Variants in NUDT5 observed in about 807,000 individuals in gnomAD.
The protein encoded by NUDT5 is ADP-sugar pyrophosphatase.
Under a neutral mutation model 34.1 loss-of-function variants are expected in NUDT5, and 21 were observed. That is an observed-to-expected ratio of 0.62 (90% CI 0.44 to 0.89). NUDT5 has a LOEUF of 0.89. Among genes scored for constraint, NUDT5 ranks in the 40% least tolerant of loss-of-function variants. The pLI, the probability that NUDT5 is intolerant of heterozygous loss-of-function variation, is 0.00. For missense variants in NUDT5, 249 were observed against 274.8 expected (o/e 0.91, Z 0.66); for synonymous variants, 85 against 97.6 (o/e 0.87, Z 0.76).
Position 12,173,776 on chromosome 10 carries a change from A to G in NUDT5, c.327T>C (p.Ala109=), listed in dbSNP as rs758839114. Reference sequence around the variant, plus strand: ...CAGTTTCTTCTTCAAGCTCCCGGAGAGCAGCTGCTTCTGGGGTTTCACCAT... The same window carrying G: ...CAGTTTCTTCTTCAAGCTCCCGGAGGGCAGCTGCTTCTGGGGTTTCACCAT... ...IDDGETPEAA[A]LRELEEETGY... The change falls in exon 6 of 10, where the codon GCT becomes GCC. Residue 109 remains alanine, a synonymous_variant. Transcript: ENST00000491614. The surrounding 1 kb of genome is among the most constrained non-coding windows in gnomAD (Gnocchi z 4.7). 4.3e-6 allele frequency: 7 copies of G among 1,613,948 alleles called. No individual in the cohort carries two copies. Among genetic ancestry groups the G allele is most frequent in the Admixed American group, 1.7e-5 (1 of 60,012 alleles).
chr10:12,178,559 CT>C (rs1834992330), intron 4 of NUDT5, among the ~76,000 whole-genome samples: 1 of 152,346 alleles, frequency 6.6e-6, no homozygotes, highest in East Asian at 1.9e-4. Context: ...TAAGAAAAGC[CT>C]AGTGCCCAAC....
chr10:12,191,045 C>T (rs138354220), intron 1 of NUDT5, among the ~76,000 whole-genome samples: 3 of 152,108 alleles, frequency 2.0e-5, no homozygotes, highest in South Asian at 2.1e-4. Context: ...GAGTGTATGG[C>T]GAGCTCTGTG....
intron 3 of NUDT5, among the ~76,000 whole-genome samples, chr10:12,180,160 T>C (rs7894424): frequency 0.05 from 7,611 of 152,280 alleles, 254 homozygotes; most frequent in Non-Finnish European, 0.077. Flanking sequence ...TTCATTAAAA[T>C]TGTTCAAATA....
At position 12,168,199 on chromosome 10, in the gene NUDT5, A is replaced by G. The variant is rs1157141543; in HGVS notation, c.551-388T>C. On this transcript the variant is annotated intron_variant, in intron 9 of 9. Coordinates refer to ENST00000491614, the MANE Select transcript of NUDT5 (RefSeq NM_014142.4). This position sits in a 1 kb window ranked among gnomAD's most constrained non-coding sequence, Gnocchi z 4.8. The stretch of plus-strand genomic sequence containing the variant: ...GCCACCACGCCCAGCTAATTTTTGT[A>G]TTTTTAGTAGAGACGGGGTTTTTGC... Among the ~76,000 whole-genome samples the G allele has an allele frequency of 6.6e-6, 1 of 151,874 alleles. No homozygotes were observed. Among genetic ancestry groups the G allele is most frequent in the Non-Finnish European group, 1.5e-5 (1 of 67,960 alleles).
intron 7 of NUDT5, 139 bp downstream of exon 7, chr10:12,172,626 C>G: frequency 3.2e-6 from 2 of 630,866 alleles, no homozygotes; most frequent in African/African-American, 1.8e-5. Context: ...GGAAGAGAGA[C>G]AAGAATACTG....
At chr10:12,193,248 G>A (rs916798562) in intron 1 of NUDT5, among the ~76,000 whole-genome samples, 1 of 152,126 alleles carries the variant, frequency 6.6e-6, no homozygotes, top group Non-Finnish European at 1.5e-5. Context: ...AGGGAGACTG[G>A]GACATCGGAA....
In NUDT5 at chr10:12,173,843, A is replaced by T. The variant is rs750338380; in HGVS notation, c.290-30T>A. The T allele has an allele frequency of 6.7e-7, 1 of 1,500,392 alleles. No individual in the cohort carries two copies. Among genetic ancestry groups the T allele is most frequent in the East Asian group, 2.3e-5 (1 of 43,926 alleles). 92.9% of individuals were successfully genotyped at this position (1,500,392 alleles called of 1,614,324 possible). A position where few individuals can be genotyped will look rare whatever the true frequency, so the allele number is the denominator to read the frequency against. On this transcript the variant is annotated intron_variant, in intron 5 of 9. Coordinates refer to ENST00000491614, the MANE Select transcript of NUDT5 (RefSeq NM_014142.4). This position sits in a 1 kb window ranked among gnomAD's most constrained non-coding sequence, Gnocchi z 4.7. ...AAGTCCAAATCATTGGTGTGATGGG[A>T]GCGGGAAATCCGGTTCTTTAAACCC...
At chr10:12,172,528 CAG>C (rs1221871227) in intron 7 of NUDT5, 6 of 563,030 alleles carry the variant, frequency 1.1e-5, no homozygotes, top group East Asian at 3.0e-5. Context: ...ATATAGAAAA[CAG>C]GGAAATATGT....
rs368375885 is a variant in NUDT5, at chr10:12,186,326, G to A, written c.-35C>T. 1.9e-5 allele frequency: 27 copies of A among 1,425,972 alleles called. No homozygotes were observed. The African/African-American group carries it at 3.2e-4, about 17-fold the overall frequency. The allele number at this position is 1,425,972 out of a possible 1,614,324, so 88.3% of individuals were successfully genotyped here. On this transcript the variant is annotated 5_prime_UTR_variant, in exon 2 of 10. Transcript: ENST00000491614. Reference sequence around the variant, plus strand: ...AGTCTTTACAGCCCTCAGGTGAGAAGTTCACCCTGCAAGATAATGAGATTT... The same window carrying A: ...AGTCTTTACAGCCCTCAGGTGAGAAATTCACCCTGCAAGATAATGAGATTT...
Position 12,173,636 on chromosome 10 carries a change from T to G in NUDT5, c.385+82A>C. ...TGATTTCTTTCTCTTCAGTGAATTC[T>G]GAGCGTAAAGAACACCCAAATAATC... On this transcript the variant is annotated intron_variant, in intron 6 of 9. Transcript: ENST00000491614. The surrounding 1 kb of genome is among the most constrained non-coding windows in gnomAD (Gnocchi z 4.7). The G allele has an allele frequency of 9.5e-7, 1 of 1,049,854 alleles. No individual in the cohort carries two copies. The highest frequency in any genetic ancestry group is 1.5e-6 in the Non-Finnish European group (1 of 667,598). The allele number at this position is 1,049,854 out of a possible 1,614,324, so 65.0% of individuals were successfully genotyped here. A position where few individuals can be genotyped will look rare whatever the true frequency, so the allele number is the denominator to read the frequency against.
At chr10:12,193,349 AAATCTT>A (rs1835268410) in intron 1 of NUDT5, among the ~76,000 whole-genome samples, 1 of 152,254 alleles carries the variant, frequency 6.6e-6, no homozygotes, top group South Asian at 2.1e-4. Context: ...AGACAGGTGA[AAATCTT>A]AATCTAGGAT....
rs1349232696 is a variant in NUDT5 at position 12,182,068 on chromosome 10, G to A, written c.131+2821C>T. 6.6e-6 allele frequency among the ~76,000 whole-genome samples: 1 copy of A among 151,748 alleles called. No homozygotes were observed. Among genetic ancestry groups the A allele is most frequent in the Admixed American group, 6.6e-5 (1 of 15,232 alleles). ...TGCTAGAACCAGGGAGGTAGAGGTT[G>A]CAGTGAGCTGAGACCACACCATTGC... On this transcript the variant is annotated intron_variant, in intron 3 of 9. Transcript: ENST00000491614. The surrounding 1 kb of genome is among the most constrained non-coding windows in gnomAD (Gnocchi z 4.3).
At chr10:12,193,880 T>C (rs1213902570) in intron 1 of NUDT5, among the ~76,000 whole-genome samples, 1 of 152,114 alleles carries the variant, frequency 6.6e-6, no homozygotes, top group Non-Finnish European at 1.5e-5. Context: ...TTTTTTTTTT[T>C]TTTCCCGAGA....
chr10:12,191,311 A>G (rs1425141663), intron 1 of NUDT5, among the ~76,000 whole-genome samples: 2 of 152,070 alleles, frequency 1.3e-5, no homozygotes, highest in Admixed American at 6.6e-5. Context: ...TGAACCCGGG[A>G]GGTGGAGCTT....
intron 5 of NUDT5, among the ~76,000 whole-genome samples, chr10:12,174,624 G>T (rs1309069861): frequency 6.6e-6 from 1 of 152,222 alleles, no homozygotes; most frequent in Non-Finnish European, 1.5e-5. Flanking sequence ...ACTCTGAGCA[G>T]ATGAATCAGG....
chr10:12,169,453 T>A lies in NUDT5; in HGVS notation c.550+1264A>T. On this transcript the variant is annotated intron_variant, in intron 9 of 9. Coordinates refer to ENST00000491614, the MANE Select transcript of NUDT5 (RefSeq NM_014142.4). The surrounding 1 kb of genome is among the most constrained non-coding windows in gnomAD (Gnocchi z 4.8). ...AGCCGAGAGAGGCTACAGAACCTGTTTGATGTGATAGCTAATTATGGTCCG... is the reference window on the plus strand; with the variant it reads ...AGCCGAGAGAGGCTACAGAACCTGTATGATGTGATAGCTAATTATGGTCCG... The A allele has an allele frequency of 1.5e-6, 1 of 660,252 alleles. No individual in the cohort carries two copies. The highest frequency in any genetic ancestry group is 2.5e-6 in the Non-Finnish European group (1 of 394,518). The allele number at this position is 660,252 out of a possible 1,614,324, so 40.9% of individuals were successfully genotyped here. A position where few individuals can be genotyped will look rare whatever the true frequency, so the allele number is the denominator to read the frequency against.
rs974177009 is a variant in NUDT5 at position 12,167,620 on chromosome 10, A to T, written c.*82T>A. 8 of 1,357,076 alleles carry T rather than the reference A, an allele frequency of 5.9e-6. No homozygotes were observed. The highest frequency in any genetic ancestry group is 8.3e-6 in the Non-Finnish European group (8 of 962,646). 84.1% of individuals were successfully genotyped at this position (1,357,076 alleles called of 1,614,324 possible). ...ACGAAAAAGCTAATGGCAAATCTAC[A>T]TTAAACTAAGTTGAATACAAAGTCT... On this transcript the variant is annotated 3_prime_UTR_variant, in exon 10 of 10. Transcript: ENST00000491614.
intron 2 of NUDT5, 71 bp downstream of exon 2, chr10:12,186,158 A>G: frequency 8.8e-7 from 1 of 1,139,710 alleles, no homozygotes; most frequent in Non-Finnish European, 1.3e-6. Flanking sequence ...CATTGTAACA[A>G]CAGTCTATAT....
Position 12,168,611 on chromosome 10 carries a change from G to A in NUDT5, c.551-800C>T, listed in dbSNP as rs868272106. On this transcript the variant is annotated intron_variant, in intron 9 of 9. Transcript: ENST00000491614. This position sits in a 1 kb window ranked among gnomAD's most constrained non-coding sequence, Gnocchi z 4.8. ...TGTTTCACTCAGATGGAGGTTGCCA[G>A]ATGTAAAATCAGCCTCTTGTTTTCC... Among the ~76,000 whole-genome samples the A allele has an allele frequency of 6.6e-6, 1 of 152,214 alleles. No homozygotes were observed. The highest frequency in any genetic ancestry group is 1.5e-5 in the Non-Finnish European group (1 of 68,036).
Sources: allele counts gnomAD v4.1 joint callset (sites outside exome capture counted in the v4.1 genomes callset), GRCh38; gene constraint gnomAD v4.1.1; non-coding constraint Gnocchi (gnomAD v3.1); transcripts MANE v1.5; gene names NCBI Gene and HGNC (gene_info 2026-07-23, HGNC 2026-07-21).